Variants in APBB3 observed in about 807,000 individuals in gnomAD.
The protein encoded by APBB3 is amyloid beta precursor protein binding family B member 3.
In APBB3, 50 loss-of-function variants were observed where a neutral mutation model predicts 61.5. The observed-to-expected ratio is 0.81, with a 90% CI of 0.65 to 1.03. The LOEUF is 1.03. Among genes scored for constraint, APBB3 ranks in the 50% least tolerant of loss-of-function variants. The probability of loss-of-function intolerance (pLI) is 0.00; values close to 1 mark genes in which losing one functional copy is unlikely to be tolerated. For missense variants in APBB3, 550 were observed against 637.4 expected, an observed-to-expected ratio of 0.86 and a Z score of 1.48; for synonymous variants, 235 against 233.0, an observed-to-expected ratio of 1.01 and a Z score of -0.08.
At chr5:140,563,697 A>T (rs1161505590) in intron 2 of APBB3, 27 bp from the exon 3 acceptor site, 1 of 1,614,052 alleles carries the variant, frequency 6.2e-7, no homozygotes, top group Admixed American at 1.7e-5. Flanking sequence ...AGTCAGTTTA[A>T]CAGCAGACCT....
chr5:140,563,213 C>G (rs377566979), intron 3 of APBB3: 39 of 308,916 alleles, frequency 1.3e-4, no homozygotes, highest in African/African-American at 8.3e-4. Context: ...CCACTGCACT[C>G]CAGCCTGGAT....
chr5:140,560,840 CAG>C lies in APBB3; in HGVS notation c.917-88_917-87del. The stretch of plus-strand genomic sequence containing the variant: ...AGCCCCCTCTCACTGATTTGGGATT[CAG>C]AGATAGGGAATAGGATAGCTGGGGC... On this transcript the variant is annotated intron_variant, in intron 10 of 12. Coordinates refer to ENST00000357560, the MANE Select transcript of APBB3 (RefSeq NM_133173.3). The surrounding 1 kb of genome is among the most constrained non-coding windows in gnomAD (Gnocchi z 5.1). 1 of 1,442,390 alleles carries C rather than the reference CAG, an allele frequency of 6.9e-7. No homozygotes were observed. The highest frequency in any genetic ancestry group is 1.2e-5 in the South Asian group (1 of 85,518). 89.3% of individuals were successfully genotyped at this position (1,442,390 alleles called of 1,614,324 possible). A position where few individuals can be genotyped will look rare whatever the true frequency, so the allele number is the denominator to read the frequency against.
chr5:140,563,910 A>T lies in APBB3; in HGVS notation c.55T>A (p.Leu19Met). The T allele has an allele frequency of 6.2e-7, 1 of 1,613,464 alleles. No homozygotes were observed. The highest frequency in any genetic ancestry group is 8.5e-7 in the Non-Finnish European group (1 of 1,179,862). The change falls in exon 2 of 13, where the codon TTG (leucine) becomes ATG (methionine). Residue 19 changes from leucine (L) to methionine (M), a missense_variant. This residue lies in a region of APBB3 where 405 missense variants were observed against 483.4 expected (regional missense o/e 0.84). Coordinates refer to ENST00000357560, the MANE Select transcript of APBB3 (RefSeq NM_133173.3). The stretch of plus-strand genomic sequence containing the variant: ...ACCTCCAGACTGTGGTCCCCCCACA[A>T]GTCATCTACAGGAACACCGGATTAG... Reference protein sequence around the residue: ...AIILVNCDDDLWGDHSLEVEA... With the variant: ...AIILVNCDDDMWGDHSLEVEA...
intron 3 of APBB3, 131 bp from the exon 4 acceptor site, chr5:140,562,854 G>A: frequency 1.3e-6 from 1 of 794,708 alleles, no homozygotes; most frequent in Non-Finnish European, 2.0e-6. Context: ...TAAAACCAGA[G>A]CAGGGTAGAG....
Position 140,561,033 on chromosome 5 carries a change from C to T in APBB3, c.901G>A (p.Val301Ile). ...CAGTCCTCACCCATGGCCTTGGTGA[C>T]TGGCAGTGTCCCCATATACAGTGCC... Reference protein sequence around the residue: ...YEALYMGTLPVTKAMGMDVLN... With the variant: ...YEALYMGTLPITKAMGMDVLN... Residue 301 changes from valine (V) to isoleucine (I), a missense_variant, in exon 10 of 13, where the codon GTC becomes ATC. By Grantham distance (29) the Val-to-Ile change is conservative. Transcript: ENST00000357560. The T allele has an allele frequency of 6.2e-7, 1 of 1,613,432 alleles. No homozygotes were observed. The highest frequency in any genetic ancestry group is 8.5e-7 in the Non-Finnish European group (1 of 1,180,032).
chr5:140,558,833 G>A lies in APBB3; in HGVS notation c.1225-12C>T. The A allele has an allele frequency of 1.2e-6, 2 of 1,609,188 alleles. No homozygotes were observed. The highest frequency in any genetic ancestry group is 1.7e-6 in the Non-Finnish European group (2 of 1,177,438). Reference sequence around the variant, plus strand: ...TTCTGGTACTGAACCTAGGGAGAAGGGGAATGTGAGGATCCAGCTACTTTC... The same window carrying A: ...TTCTGGTACTGAACCTAGGGAGAAGAGGAATGTGAGGATCCAGCTACTTTC... On this transcript the variant is annotated splice_polypyrimidine_tract_variant and intron_variant, in intron 12 of 12. Transcript: ENST00000357560.
chr5:140,560,289 A>C lies in APBB3; in HGVS notation c.1224+24T>G, dbSNP rs78705938. The stretch of plus-strand genomic sequence containing the variant: ...AGAGCAGCTGCAGGGCAATCCCACC[A>C]ACCCATTCCCACCCATGACTCACCA... On this transcript the variant is annotated intron_variant, in intron 12 of 12. Coordinates refer to ENST00000357560, the MANE Select transcript of APBB3 (RefSeq NM_133173.3). This position sits in a 1 kb window ranked among gnomAD's most constrained non-coding sequence, Gnocchi z 5.1. The C allele has an allele frequency of 5.5e-3, 8,779 of 1,599,854 alleles. 523 individuals are homozygous for C. The African/African-American group carries it at 0.11, about 19-fold the overall frequency.
chr5:140,560,282 T>TGCCCCC lies in APBB3; in HGVS notation c.1224+30_1224+31insGGGGGC. ...ACAGTGGAGAGCAGCTGCAGGGCAATCCCACCAACCCATTCCCACCCATGA... is the reference window on the plus strand; with the variant it reads ...ACAGTGGAGAGCAGCTGCAGGGCAATGCCCCCCCCACCAACCCATTCCCACCCATGA... On this transcript the variant is annotated intron_variant, in intron 12 of 12. Transcript: ENST00000357560. This position sits in a 1 kb window ranked among gnomAD's most constrained non-coding sequence, Gnocchi z 5.1. The TGCCCCC allele has an allele frequency of 3.1e-6, 5 of 1,596,670 alleles. No individual in the cohort carries two copies. In the African/African-American group the frequency reaches 5.4e-5, roughly 17 times the overall value.
At position 140,560,884 on chromosome 5, in the gene APBB3, A is replaced by T. The variant is rs1420952099; in HGVS notation, c.917-130T>A. ...AGCTGGGGCAAGCCTTAGAATTCTG[A>T]TTTGGGAAGGCTGGTAGACCCCAGG... On this transcript the variant is annotated intron_variant, in intron 10 of 12. Coordinates refer to ENST00000357560, the MANE Select transcript of APBB3 (RefSeq NM_133173.3). The surrounding 1 kb of genome is among the most constrained non-coding windows in gnomAD (Gnocchi z 5.1). 7.2e-7 allele frequency: 1 copy of T among 1,382,268 alleles called. No homozygotes were observed. Among genetic ancestry groups the T allele is most frequent in the African/African-American group, 1.4e-5 (1 of 70,340 alleles). 85.6% of individuals were successfully genotyped at this position (1,382,268 alleles called of 1,614,324 possible).
intron 4 of APBB3, 49 bp from the exon 5 acceptor site, chr5:140,562,548 G>A (rs771857105): frequency 2.7e-5 from 44 of 1,610,592 alleles, no homozygotes; most frequent in Non-Finnish European, 3.6e-5. Context: ...GGAGTAGGGT[G>A]GCAGGTGCCA....
At chr5:140,561,819 C>T in intron 7 of APBB3, 25 bp downstream of exon 7, 1 of 1,613,816 alleles carries the variant, frequency 6.2e-7, no homozygotes, top group Non-Finnish European at 8.5e-7. Context: ...AGGGATGGGG[C>T]TCAGGATACC....
chr5:140,560,207 A>T lies in APBB3; in HGVS notation c.1224+106T>A. The T allele has an allele frequency of 7.9e-7, 1 of 1,267,360 alleles. No homozygotes were observed. Among genetic ancestry groups the T allele is most frequent in the Non-Finnish European group, 1.1e-6 (1 of 915,472 alleles). The allele number at this position is 1,267,360 out of a possible 1,614,324, so 78.5% of individuals were successfully genotyped here. A position where few individuals can be genotyped will look rare whatever the true frequency, so the allele number is the denominator to read the frequency against. ...GCCAAAACATTAATGAACCAGAATC[A>T]GCCCAGGTTTGTGATCTCTGAAGAG... On this transcript the variant is annotated intron_variant, in intron 12 of 12. Transcript: ENST00000357560. The surrounding 1 kb of genome is among the most constrained non-coding windows in gnomAD (Gnocchi z 5.1).
intron 3 of APBB3, chr5:140,562,936 C>T (rs987400211): frequency 1.6e-5 from 9 of 572,660 alleles, no homozygotes; most frequent in Non-Finnish European, 2.5e-5. Context: ...AGGACCCAGA[C>T]ACAGGACATA....
chr5:140,562,344 C>T lies in APBB3; in HGVS notation c.498+9G>A. On this transcript the variant is annotated intron_variant, in intron 5 of 12. Transcript: ENST00000357560. ...GGGCCCAAACCATTAAAGGGCCCAG[C>T]CAACTCACCTCACCCCAGGCACCAT... 1.2e-6 allele frequency: 2 copies of T among 1,613,466 alleles called. No homozygotes were observed. Among genetic ancestry groups the T allele is most frequent in the Non-Finnish European group, 1.7e-6 (2 of 1,179,674 alleles).
intron 3 of APBB3, 100 bp downstream of exon 3, chr5:140,563,494 A>T: frequency 7.1e-7 from 1 of 1,412,028 alleles, no homozygotes; most frequent in South Asian, 1.2e-5. Context: ...AACATGTGAC[A>T]GAATCCAGAA....
rs757074030 is a variant in APBB3 at position 140,558,629 on chromosome 5, GA to G, written c.1416del (p.Asp474MetfsTer5). 6 of 1,614,170 alleles carry G rather than the reference GA, an allele frequency of 3.7e-6. No homozygotes were observed. In the South Asian group the frequency reaches 6.6e-5, roughly 18 times the overall value. On this transcript the variant is annotated frameshift_variant, in exon 13 of 13. Transcript: ENST00000357560. LOFTEE classifies it high-confidence loss of function. ...ATPRKRGVFS[F>X]LDAFRLKPSL... is the part of the protein sequence containing the mutation. ...GAGGGTTTCAGCCGGAAGGCATCAAGAAAAGAGAAGACACCCCGCTTTCGAG... is the reference window on the plus strand; with the variant it reads ...GAGGGTTTCAGCCGGAAGGCATCAAGAAAGAGAAGACACCCCGCTTTCGAG...
intron 9 of APBB3, 36 bp downstream of exon 9, chr5:140,561,329 C>T: frequency 3.7e-6 from 6 of 1,610,086 alleles, no homozygotes; most frequent in East Asian, 2.2e-5. Context: ...CACCAAAGCA[C>T]CCCAATGCAG....
Position 140,560,404 on chromosome 5 carries a change from G to A in APBB3, c.1133C>T (p.Ala378Val). The A allele has an allele frequency of 6.2e-7, 1 of 1,614,236 alleles. No homozygotes were observed. The highest frequency in any genetic ancestry group is 1.3e-5 in the African/African-American group (1 of 75,064). ...GRDPHTFGLIADLGRQSFQCA... is the reference protein window; with the variant it reads ...GRDPHTFGLIVDLGRQSFQCA... ...CTGGAAGCTCTGACGGCCCAGGTCA[G>A]CGATGAGGCCAAAGGTGTGTGGGTC... Residue 378 changes from alanine (A) to valine (V), a missense_variant, in exon 12 of 13, where the codon GCT becomes GTT. Around this residue, in one of 3 missense-constraint regions of APBB3, gnomAD observed 7 missense variants for 21.5 expected, o/e 0.33. Coordinates refer to ENST00000357560, the MANE Select transcript of APBB3 (RefSeq NM_133173.3). The surrounding 1 kb of genome is among the most constrained non-coding windows in gnomAD (Gnocchi z 5.1).
chr5:140,561,915 G>A, intron 6 of APBB3, 66 bp from the exon 7 acceptor site: 1 of 1,612,932 alleles, frequency 6.2e-7, no homozygotes. Flanking sequence ...TCCCCAAACT[G>A]TCCCTGCTGA....
Sources: allele counts gnomAD v4.1 joint callset, GRCh38; gene constraint gnomAD v4.1.1; regional missense constraint gnomAD v4.1.1; non-coding constraint Gnocchi (gnomAD v3.1); transcripts MANE v1.5; gene names NCBI Gene and HGNC (gene_info 2026-07-23, HGNC 2026-07-21).